The following VDR variants were observed in gnomAD, a reference collection of about 807,000 sequenced individuals.
VDR encodes vitamin D3 receptor.
In VDR, 19 loss-of-function variants were observed where a neutral mutation model predicts 39.7. The observed-to-expected ratio is 0.48, with a 90% CI of 0.33 to 0.70. The LOEUF is 0.70. Ranked by LOEUF, VDR falls within the 30% of genes least tolerant of loss-of-function variation. The probability of loss-of-function intolerance (pLI) is 0.02; values close to 1 mark genes in which losing one functional copy is unlikely to be tolerated. For synonymous variants in VDR, 242 were observed against 215.8 expected (o/e 1.12, Z -1.07); for missense variants, 442 against 570.5 (o/e 0.77, Z 2.29).
intron 4 of VDR, among the ~76,000 whole-genome samples, chr12:47,857,994 G>A (rs1945529045): frequency 6.6e-6 from 1 of 152,124 alleles, no homozygotes; most frequent in South Asian, 2.1e-4. Context: ...CTGGGCTTTT[G>A]TTCTTTTGTT....
intron 3 of VDR, among the ~76,000 whole-genome samples, chr12:47,866,928 A>G (rs1339211228): frequency 6.6e-6 from 1 of 152,040 alleles, no homozygotes; most frequent in Admixed American, 6.6e-5. Flanking sequence ...CCCAGGAGGT[A>G]GAGGTTGCAG....
chr12:47,849,284 G>C (rs749620563), intron 7 of VDR, among the ~76,000 whole-genome samples: 5 of 152,206 alleles, frequency 3.3e-5, no homozygotes, highest in Middle Eastern at 6.8e-3. Flanking sequence ...GCCAGCAAAG[G>C]ATCTGTATTG....
intron 1 of VDR, chr12:47,883,021 G>A (rs962990147): frequency 2.6e-4 from 119 of 460,444 alleles, no homozygotes; most frequent in Admixed American, 3.0e-4. Flanking sequence ...AGTGGGAAGC[G>A]GTGGCGGCAA....
At chr12:47,886,720 C>A (rs1411288974) in intron 1 of VDR, among the ~76,000 whole-genome samples, 1 of 152,186 alleles carries the variant, frequency 6.6e-6, no homozygotes, top group Non-Finnish European at 1.5e-5. Flanking sequence ...GCAACAGCAC[C>A]ACCTAGTCCA....
chr12:47,885,509 C>T (rs991932252), intron 1 of VDR, among the ~76,000 whole-genome samples: 1 of 152,172 alleles, frequency 6.6e-6, no homozygotes, highest in African/African-American at 2.4e-5. Context: ...TGGGCAGAGC[C>T]CTGGGAGGAC....
Position 47,846,676 on chromosome 12 carries a change from G to A in VDR, c.888C>T (p.Arg296=), listed in dbSNP as rs768711979. 9.9e-6 allele frequency: 16 copies of A among 1,613,786 alleles called. No homozygotes were observed. The highest frequency in any genetic ancestry group is 2.7e-5 in the African/African-American group (2 of 74,908). ...WTCGNQDYKY[R]VSDVTKAGHS... ...GCATACCTTTGGTCACGTCACTGAC[G>A]CGGTACTTGTAGTCTTGGTTGCCAC... The change falls in exon 8 of 10, where the codon CGC becomes CGT. Residue 296 remains arginine (R), a synonymous_variant. Coordinates refer to ENST00000549336, the MANE Select transcript of VDR (RefSeq NM_000376.3).
chr12:47,844,262 G>T lies in VDR; in HGVS notation c.*484C>A. 1 of 226,508 alleles carries T rather than the reference G, an allele frequency of 4.4e-6. No individual in the cohort carries two copies. 14.0% of individuals were successfully genotyped at this position (226,508 alleles called of 1,614,324 possible). ...CAATGGGATGTTGGTGGGCACTGAA[G>T]GGGGTGGGGTGGGAGCTGTGGGCCG... On this transcript the variant is annotated 3_prime_UTR_variant, in exon 10 of 10. Transcript: ENST00000549336.
Position 47,891,505 on chromosome 12 carries a change from G to A in VDR, c.-83-8731C>T, listed in dbSNP as rs573405710. Among the ~76,000 whole-genome samples the A allele has an allele frequency of 7.3e-5, 11 of 151,636 alleles. No individual in the cohort carries two copies. In the South Asian group the frequency reaches 1.9e-3, roughly 26 times the overall value. ...CTCCACCCCAAACAAACGTTGCCCAGAAAGCCACAATTTTGCTGAGCTGGG... is the reference window on the plus strand; with the variant it reads ...CTCCACCCCAAACAAACGTTGCCCAAAAAGCCACAATTTTGCTGAGCTGGG... On this transcript the variant is annotated intron_variant, in intron 1 of 9. Coordinates refer to ENST00000549336, the MANE Select transcript of VDR (RefSeq NM_000376.3).
intron 1 of VDR, chr12:47,904,742 GC>G: frequency 1.8e-6 from 2 of 1,097,448 alleles, no homozygotes; most frequent in Non-Finnish European, 2.6e-6. Context: ...TGCTCCCCTC[GC>G]CAGCCTGGCA....
In VDR at chr12:47,883,792, G is replaced by A. The variant is rs1946204869; in HGVS notation, c.-83-1018C>T. On this transcript the variant is annotated intron_variant, in intron 1 of 9. Transcript: ENST00000549336. Reference sequence around the variant, plus strand: ...TCCAGTGGCCTAAGCAGGGAAGGGGGAGAGCTCAAGGGGCTTCCAAGACCT... The same window carrying A: ...TCCAGTGGCCTAAGCAGGGAAGGGGAAGAGCTCAAGGGGCTTCCAAGACCT... 2.0e-5 allele frequency among the ~76,000 whole-genome samples: 3 copies of A among 152,216 alleles called. No individual in the cohort carries two copies. The South Asian group carries it at 6.2e-4, about 32-fold the overall frequency.
chr12:47,878,794 G>T, intron 3 of VDR, 174 bp downstream of exon 3: 2 of 996,852 alleles, frequency 2.0e-6, no homozygotes, highest in Non-Finnish European at 3.0e-6. Flanking sequence ...GCTGAGAGGA[G>T]GGAAAAGAAG....
chr12:47,885,360 C>T (rs895628124), intron 1 of VDR, among the ~76,000 whole-genome samples: 12 of 152,246 alleles, frequency 7.9e-5, no homozygotes, highest in Non-Finnish European at 1.5e-4. Flanking sequence ...ACTGAAGCCA[C>T]AACCATTGCC....
chr12:47,896,599 CCTTCTA>C (rs945692119), intron 1 of VDR: 4 of 152,228 alleles, frequency 2.6e-5, no homozygotes, highest in Non-Finnish European at 4.4e-5. Flanking sequence ...TTCTCCTTCT[CCTTCTA>C]GGCTCCAAAC....
chr12:47,876,628 A>G (rs1005193775), intron 3 of VDR, among the ~76,000 whole-genome samples: 2 of 152,242 alleles, frequency 1.3e-5, no homozygotes, highest in African/African-American at 4.8e-5. Context: ...TCATGTGCCC[A>G]CAAGCAACAC....
intron 1 of VDR, chr12:47,900,062 G>C (rs1349272239): frequency 1.8e-6 from 1 of 551,682 alleles, no homozygotes; most frequent in Admixed American, 6.3e-5. Context: ...AAAGATGCCT[G>C]TTTGAAAGAT....
intron 3 of VDR, 85 bp downstream of exon 3, chr12:47,878,883 G>GA (rs770660193): frequency 3.4e-5 from 55 of 1,606,248 alleles, no homozygotes; most frequent in South Asian, 4.4e-5. Context: ...AAGGAGATGT[G>GA]AAAAATGCAA....
At chr12:47,859,800 G>A (rs1262312310) in intron 4 of VDR, among the ~76,000 whole-genome samples, 1 of 151,842 alleles carries the variant, frequency 6.6e-6, no homozygotes, top group African/African-American at 2.4e-5. Flanking sequence ...TAAGGGCAGG[G>A]TCCATGTCTT....
chr12:47,853,140 A>T (rs1269779771), intron 7 of VDR, among the ~76,000 whole-genome samples: 1 of 152,220 alleles, frequency 6.6e-6, no homozygotes, highest in South Asian at 2.1e-4. Context: ...AAATGTGTCA[A>T]TACTCTATTG....
At chr12:47,857,901 AAG>A (rs1415628255) in intron 4 of VDR, among the ~76,000 whole-genome samples, 1 of 152,120 alleles carries the variant, frequency 6.6e-6, no homozygotes, top group Non-Finnish European at 1.5e-5. Flanking sequence ...GAAGAAGAAA[AAG>A]AGGATTTGAG....
Sources: allele counts gnomAD v4.1 joint callset (sites outside exome capture counted in the v4.1 genomes callset), GRCh38; gene constraint gnomAD v4.1.1; transcripts MANE v1.5; gene names NCBI Gene and HGNC (gene_info 2026-07-23, HGNC 2026-07-21).